PDE1A: variants seen among roughly 807,000 people sequenced by gnomAD.
The protein encoded by PDE1A is dual specificity calcium/calmodulin-dependent 3',5'-cyclic nucleotide phosphodiesterase 1A.
In PDE1A, 35 loss-of-function variants were observed where a neutral mutation model predicts 61.7. That is an observed-to-expected ratio of 0.57 (90% confidence interval 0.43 to 0.75). PDE1A has a LOEUF of 0.75. PDE1A is among the 30% of genes least tolerant of loss of function. The probability of loss-of-function intolerance (pLI) is 0.00; values close to 1 mark genes in which losing one functional copy is unlikely to be tolerated. For missense variants in PDE1A, 597 were observed against 630.6 expected, an observed-to-expected ratio of 0.95 and a Z score of 0.57; for synonymous variants, 232 against 213.2, an observed-to-expected ratio of 1.09 and a Z score of -0.77.
At chr2:182,187,152 G>A (rs1685277092) in intron 11 of PDE1A, among the ~76,000 whole-genome samples, 1 of 152,222 alleles carries the variant, frequency 6.6e-6, no homozygotes, top group African/African-American at 2.4e-5. Context: ...TGGATGTAAA[G>A]TGTTAGTTCA....
At chr2:182,186,330 A>C in intron 12 of PDE1A, 138 bp downstream of exon 12, 1 of 1,019,258 alleles carries the variant, frequency 9.8e-7, no homozygotes. Flanking sequence ...GCAATATAAT[A>C]TAAAGCCACT....
rs148299907 is a variant in PDE1A at position 182,466,610 on chromosome 2, G to A, written c.101+55666C>T. On this transcript the variant is annotated intron_variant, in intron 2 of 14. Transcript: ENST00000410103. ...AAATAGAACATTGGAAAGTTGGGAAGACCAGAGAGAAGAGGATTTAGAATA... is the reference window on the plus strand; with the variant it reads ...AAATAGAACATTGGAAAGTTGGGAAAACCAGAGAGAAGAGGATTTAGAATA... Among the ~76,000 whole-genome samples, 62 of 152,096 alleles carry A rather than the reference G, an allele frequency of 4.1e-4. 1 individual carries two copies. The highest frequency in any genetic ancestry group is 1.5e-3 in the African/African-American group (61 of 41,532).
intron 2 of PDE1A, among the ~76,000 whole-genome samples, chr2:182,441,006 T>C (rs1684757582): frequency 6.6e-6 from 1 of 152,080 alleles, no homozygotes; most frequent in Admixed American, 6.6e-5. Flanking sequence ...GACTGGGTAA[T>C]TTATAAAGGA....
the PDE1A span, among the ~76,000 whole-genome samples, chr2:182,601,486 G>A: frequency 6.6e-6 from 1 of 152,226 alleles, no homozygotes; most frequent in African/African-American, 2.4e-5. Context: ...TGAGCAAGGG[G>A]TATGTTTCTG....
the PDE1A span, among the ~76,000 whole-genome samples, chr2:182,696,923 G>A: frequency 5.9e-5 from 9 of 152,278 alleles, no homozygotes; most frequent in Middle Eastern, 6.8e-3. Flanking sequence ...AGACTCATAA[G>A]TATTTCTCAG....
At chr2:182,264,902 T>TAC (rs1692519244) in intron 1 of PDE1A, among the ~76,000 whole-genome samples, 2 of 145,194 alleles carry the variant, frequency 1.4e-5, no homozygotes, top group African/African-American at 5.0e-5. Context: ...TGTATATATA[T>TAC]ACACCATGGA....
chr2:182,589,090 A>AATT, the PDE1A span, among the ~76,000 whole-genome samples: 19 of 129,856 alleles, frequency 1.5e-4, no homozygotes, highest in South Asian at 2.5e-4. Context: ...TAATAATAAT[A>AATT]ATTTTAATGA....
upstream of PDE1A, among the ~76,000 whole-genome samples, chr2:182,527,319 AAAAAAAAAATATATATATATATATAT>A (rs1266675070): frequency 4.1e-5 from 2 of 48,346 alleles, no homozygotes; most frequent in East Asian, 1.2e-3. Flanking sequence ...AAAAAAAAAA[AAAAAAAAAATATATATATATATATAT>A]ATATATATAT....
intron 1 of PDE1A, among the ~76,000 whole-genome samples, chr2:182,309,633 C>G (rs1228497796): frequency 1.3e-5 from 2 of 151,872 alleles, no homozygotes; most frequent in Non-Finnish European, 2.9e-5. Context: ...AATATTAAAT[C>G]AGTAATTTCA....
chr2:182,481,006 T>C (rs1004796920), intron 2 of PDE1A, among the ~76,000 whole-genome samples: 6 of 151,808 alleles, frequency 4.0e-5, no homozygotes, highest in African/African-American at 1.5e-4. Flanking sequence ...GGGACAAAAA[T>C]AGAGAAGACT....
intron 1 of PDE1A, among the ~76,000 whole-genome samples, chr2:182,401,324 C>T (rs996686438): frequency 3.9e-5 from 6 of 152,148 alleles, no homozygotes; most frequent in Admixed American, 1.3e-4. Flanking sequence ...TTATCCAACA[C>T]GATCAAGTTG....
chr2:182,677,185 C>T, the PDE1A span, among the ~76,000 whole-genome samples: 1 of 152,128 alleles, frequency 6.6e-6, no homozygotes, highest in Non-Finnish European at 1.5e-5. Flanking sequence ...GCCAAAAGCT[C>T]CTGCAGCTGA....
chr2:182,388,834 A>T (rs1002762557), intron 1 of PDE1A, among the ~76,000 whole-genome samples: 1 of 152,050 alleles, frequency 6.6e-6, no homozygotes, highest in Admixed American at 6.5e-5. Flanking sequence ...AGACCAGAAA[A>T]AATAGAAAAG....
At chr2:182,428,141 T>C (rs11684406), upstream of PDE1A, among the ~76,000 whole-genome samples, 58,316 of 151,928 alleles carry the variant, frequency 0.38, 11,937 homozygotes, top group East Asian at 0.67. Flanking sequence ...TATGAGAGCA[T>C]TGAACTAAAA....
At chr2:182,601,867 C>T in the PDE1A span, among the ~76,000 whole-genome samples, 3 of 152,186 alleles carry the variant, frequency 2.0e-5, no homozygotes. Context: ...CTTTTATGGG[C>T]CCCAGAGGGG....
the PDE1A span, among the ~76,000 whole-genome samples, chr2:182,561,462 G>T: frequency 2.6e-5 from 4 of 152,166 alleles, no homozygotes; most frequent in East Asian, 5.8e-4. Context: ...ACTGTAGTCT[G>T]GTAGTATAGT....
At chr2:182,206,515 GA>G (rs1407847272) in intron 7 of PDE1A, among the ~76,000 whole-genome samples, 1 of 152,192 alleles carries the variant, frequency 6.6e-6, no homozygotes, top group Non-Finnish European at 1.5e-5. Context: ...GTACCATACA[GA>G]GTAGTTTCTC....
At chr2:182,426,447 C>A (rs1703626564) in intron 1 of PDE1A, 131 bp downstream of exon 1, 1 of 639,578 alleles carries the variant, frequency 1.6e-6, no homozygotes, top group South Asian at 2.3e-5. Flanking sequence ...CCTCAGTATG[C>A]CTGAAGTTAA....
the PDE1A span, among the ~76,000 whole-genome samples, chr2:182,540,602 T>C: frequency 3.3e-5 from 5 of 152,134 alleles, no homozygotes. Context: ...AAATTCTCTA[T>C]ATTTAAAAAT....
Sources: allele counts gnomAD v4.1 joint callset (sites outside exome capture counted in the v4.1 genomes callset), GRCh38; gene constraint gnomAD v4.1.1; transcripts MANE v1.5; gene names NCBI Gene and HGNC (gene_info 2026-07-23, HGNC 2026-07-21).